DUS1L: variants seen among roughly 807,000 people sequenced by gnomAD.
DUS1L encodes dihydrouridine synthase 1 like.
A neutral mutation model predicts 61.2 loss-of-function variants in DUS1L; 56 were observed. The observed-to-expected ratio is 0.92, with a 90% CI of 0.74 to 1.14. DUS1L has a LOEUF of 1.14. Among genes scored for constraint, DUS1L ranks in the 50% most tolerant of loss-of-function variants. The pLI, the probability that DUS1L is intolerant of heterozygous loss-of-function variation, is 0.00. For missense variants in DUS1L, 630 were observed against 632.4 expected, an observed-to-expected ratio of 1.00 and a Z score of 0.04; for synonymous variants, 278 against 259.5, an observed-to-expected ratio of 1.07 and a Z score of -0.69.
Position 82,062,861 on chromosome 17 carries a change from CTGG to C in DUS1L, c.507_509del (p.Cys169_Gln170delinsTrp). On this transcript the variant is annotated inframe_deletion and splice_region_variant, in exon 5 of 14. Transcript: ENST00000306796. ...ACACCCCCGCGAGCCCAGGGCTCACCTGGCAGCCGGCCTTCTCCAGCATCTGGG... is the reference window on the plus strand; with the variant it reads ...ACACCCCCGCGAGCCCAGGGCTCACCCAGCCGGCCTTCTCCAGCATCTGGG... The C allele has an allele frequency of 6.2e-7, 1 of 1,612,486 alleles. No individual in the cohort carries two copies. Among genetic ancestry groups the C allele is most frequent in the South Asian group, 1.1e-5 (1 of 91,076 alleles).
chr17:82,062,401 G>A (rs566044980), intron 5 of DUS1L, among the ~76,000 whole-genome samples: 1 of 152,328 alleles, frequency 6.6e-6, no homozygotes, highest in African/African-American at 2.4e-5. Flanking sequence ...CACCAAGGTT[G>A]CTGTCCACCT....
At position 82,060,762 on chromosome 17, in the gene DUS1L, C is replaced by T. The variant is rs1472110052; in HGVS notation, c.961G>A (p.Gly321Arg). The change falls in exon 10 of 14, where the codon GGA (glycine) becomes AGA (arginine). Residue 321 changes from glycine (G) to arginine (R), a missense_variant. Gly to Arg is a moderately radical substitution (Grantham distance 125, BLOSUM62 -2). Coordinates refer to ENST00000306796, the MANE Select transcript of DUS1L (RefSeq NM_022156.5). ...GGCAAGTCGCCGGTGGGCTTCGCTC[C>T]CTCCTGCCTGGATATCTCCTCCTGC... ...RCQEEISRQE[G>R]AKPTGDLPFH... is the part of the protein sequence containing the mutation. 1.2e-6 allele frequency: 2 copies of T among 1,612,666 alleles called. No homozygotes were observed. Among genetic ancestry groups the T allele is most frequent in the Non-Finnish European group, 1.7e-6 (2 of 1,179,790 alleles).
rs547170654 is a variant in DUS1L, at chr17:82,064,884, T to G, written c.176A>C (p.Asn59Thr). Reference sequence around the variant, plus strand: ...GCAGTACAGGTTCTCCTTCCGGTAGTTGGCGTCGCGGACAAAGACCTGGGC... The same window carrying G: ...GCAGTACAGGTTCTCCTTCCGGTAGGTGGCGTCGCGGACAAAGACCTGGGC... ...LHAQVFVRDA[N>T]YRKENLYCEV... is the part of the protein sequence containing the mutation. The change falls in exon 2 of 14, where the codon AAC (asparagine) becomes ACC (threonine). Residue 59 changes from asparagine (N) to threonine (T), a missense_variant. Asn to Thr is a moderately conservative substitution (Grantham distance 65, BLOSUM62 0). Coordinates refer to ENST00000306796, the MANE Select transcript of DUS1L (RefSeq NM_022156.5). 3.1e-6 allele frequency: 5 copies of G among 1,612,572 alleles called. No homozygotes were observed. In the Admixed American group the frequency reaches 6.7e-5, roughly 21 times the overall value.
At chr17:82,064,753 A>G in intron 2 of DUS1L, 70 bp downstream of exon 2, 2 of 1,428,268 alleles carry the variant, frequency 1.4e-6, no homozygotes, top group Non-Finnish European at 1.9e-6. Flanking sequence ...CACAGAGAGA[A>G]GGGTTTTTCC....
At position 82,059,965 on chromosome 17, in the gene DUS1L, A is replaced by G. The variant is rs1372168943; in HGVS notation, c.1151T>C (p.Phe384Ser). ...GCACTTACGCTTCAGAGAGGGGTCG[A>G]AGGTCTTGTGGGGGTTCCTCAGCTG... ...KKQLRNPHKT[F>S]DPSLKPKYAK... Residue 384 changes from phenylalanine (F) to serine (S), a missense_variant, in exon 11 of 14, where the codon TTC becomes TCC. By Grantham distance (155) the Phe-to-Ser change is radical (BLOSUM62 -2). Coordinates refer to ENST00000306796, the MANE Select transcript of DUS1L (RefSeq NM_022156.5). The G allele has an allele frequency of 6.2e-7, 1 of 1,613,958 alleles. No individual in the cohort carries two copies. The highest frequency in any genetic ancestry group is 8.5e-7 in the Non-Finnish European group (1 of 1,179,978).
intron 8 of DUS1L, 86 bp downstream of exon 8, chr17:82,061,123 A>G: frequency 1.3e-6 from 2 of 1,554,392 alleles, no homozygotes; most frequent in Admixed American, 3.7e-5. Context: ...TGTTTTGACA[A>G]AACCTGCAAA....
At chr17:82,064,779 C>CG (rs756090448) in intron 2 of DUS1L, 44 bp downstream of exon 2, 52 of 1,482,776 alleles carry the variant, frequency 3.5e-5, no homozygotes, top group Middle Eastern at 2.3e-4. Flanking sequence ...CATTCCAGGA[C>CG]CGGGAACCCA....
rs370491758 is a variant in DUS1L, at chr17:82,060,066, T to C, written c.1050A>G (p.Ala350=). The C allele has an allele frequency of 6.2e-6, 10 of 1,613,080 alleles. No homozygotes were observed. Among genetic ancestry groups the C allele is most frequent in the African/African-American group, 1.3e-5 (1 of 74,616 alleles). ...CCAGGGCCCGCTTGCTGCGCGCACCTGCCTTCTCCTTGCTCCCCTCCCTGG... is the reference window on the plus strand; with the variant it reads ...CCAGGGCCCGCTTGCTGCGCGCACCCGCCTTCTCCTTGCTCCCCTCCCTGG... The part of the protein sequence containing the change: ...PGPREGSKEK[A]GARSKRALEE... Residue 350 remains alanine (A), a synonymous_variant, in exon 11 of 14, where the codon GCA becomes GCG. Transcript: ENST00000306796.
At chr17:82,060,115 G>T in intron 10 of DUS1L, 22 bp from the exon 11 acceptor site, 1 of 1,608,082 alleles carries the variant, frequency 6.2e-7, no homozygotes, top group Non-Finnish European at 8.5e-7. Flanking sequence ...GCAGCGGGCA[G>T]AGCCCAAGGA....
Position 82,061,653 on chromosome 17 carries a change from A to G in DUS1L, c.662T>C (p.Leu221Pro). The change falls in exon 7 of 14, where the codon CTC (leucine) becomes CCC (proline). Residue 221 changes from leucine to proline, a missense_variant. By Grantham distance (98) the Leu-to-Pro change is moderately conservative. Transcript: ENST00000306796. ...GACGCCCTGCACACCCGTGTCCCGGAGGCAGCGCTCCACGTCCTGCAGGCA... is the reference window on the plus strand; with the variant it reads ...GACGCCCTGCACACCCGTGTCCCGGGGGCAGCGCTCCACGTCCTGCAGGCA... The part of the protein sequence containing the change: ...IQCLQDVERC[L>P]RDTGVQGVMS... 2 of 1,612,856 alleles carry G rather than the reference A, an allele frequency of 1.2e-6. No homozygotes were observed. Among genetic ancestry groups the G allele is most frequent in the Non-Finnish European group, 1.7e-6 (2 of 1,179,916 alleles).
At chr17:82,059,893 A>G in intron 11 of DUS1L, 55 bp downstream of exon 11, 2 of 1,605,256 alleles carry the variant, frequency 1.2e-6, no homozygotes, top group South Asian at 2.2e-5. Context: ...GGCAACAGGG[A>G]GGATGGGGGT....
rs575592889 is a variant in DUS1L, at chr17:82,061,527, G to A, written c.697+91C>T. 3.4e-6 allele frequency: 5 copies of A among 1,451,526 alleles called. No homozygotes were observed. The East Asian group carries it at 9.4e-5, about 27-fold the overall frequency. The allele number at this position is 1,451,526 out of a possible 1,614,324, so 89.9% of individuals were successfully genotyped here. On this transcript the variant is annotated intron_variant, in intron 7 of 13. Coordinates refer to ENST00000306796, the MANE Select transcript of DUS1L (RefSeq NM_022156.5). ...ACACCATCTGTGAACAGCACCATGG[G>A]GAGGGCAGTAGGCAGTGGGAGGCAC...
intron 2 of DUS1L, among the ~76,000 whole-genome samples, chr17:82,064,555 C>T (rs2033674189): frequency 6.6e-6 from 1 of 152,196 alleles, no homozygotes. Flanking sequence ...CTGCAAACCT[C>T]ACAGCACCCA....
At position 82,058,424 on chromosome 17, in the gene DUS1L, C is replaced by T. The variant is rs899380876; in HGVS notation, c.1207-8G>A. The T allele has an allele frequency of 6.7e-7, 1 of 1,482,608 alleles. No homozygotes were observed. The highest frequency in any genetic ancestry group is 9.0e-7 in the Non-Finnish European group (1 of 1,115,320). 91.8% of individuals were successfully genotyped at this position (1,482,608 alleles called of 1,614,324 possible). ...GAACACACATCTGTTGCCCTGGGCA[C>T]AGGAAATCTCGGGAGCCTGTGGCCA... On this transcript the variant is annotated splice_polypyrimidine_tract_variant and splice_region_variant and intron_variant, in intron 12 of 13. Coordinates refer to ENST00000306796, the MANE Select transcript of DUS1L (RefSeq NM_022156.5).
At position 82,058,414 on chromosome 17, in the gene DUS1L, G is replaced by T; in HGVS notation, c.1209C>A (p.Gly403=). Residue 403 remains glycine, a splice_region_variant and synonymous_variant, in exon 13 of 14, where the codon GGC becomes GGA. Coordinates refer to ENST00000306796, the MANE Select transcript of DUS1L (RefSeq NM_022156.5). ...GGCACAGGCTGAACACACATCTGTT[G>T]CCCTGGGCACAGGAAATCTCGGGAG... The part of the protein sequence containing the change: ...AKCDQCGNPK[G]NRCVFSLCRG... 1 of 1,488,174 alleles carries T rather than the reference G, an allele frequency of 6.7e-7. No homozygotes were observed. The allele number at this position is 1,488,174 out of a possible 1,614,324, so 92.2% of individuals were successfully genotyped here.
At position 82,058,350 on chromosome 17, in the gene DUS1L, C is replaced by T; in HGVS notation, c.1273G>A (p.Asp425Asn). ...CKKRASKETA[D>N]CPGHGLLFKT... ...TGGTAGGCGCCCTCACCTGGGCAGT[C>T]TGCAGTCTCTTTGGAGGCTCGCTTC... The change falls in exon 13 of 14, where the codon GAC (aspartate) becomes AAC (asparagine). Residue 425 changes from aspartate to asparagine, a missense_variant. Coordinates refer to ENST00000306796, the MANE Select transcript of DUS1L (RefSeq NM_022156.5). 6.7e-7 allele frequency: 1 copy of T among 1,501,262 alleles called. No individual in the cohort carries two copies. The highest frequency in any genetic ancestry group is 1.4e-5 in the African/African-American group (1 of 71,390). 93.0% of individuals were successfully genotyped at this position (1,501,262 alleles called of 1,614,324 possible).
chr17:82,060,329 GGGAGGGCTGTGGCCAC>G, intron 10 of DUS1L: 1 of 615,634 alleles, frequency 1.6e-6, no homozygotes, highest in Non-Finnish European at 2.8e-6. Context: ...ACCAGCTCCA[GGGAGGGCTGTGGCCAC>G]GGATGGCCTC....
chr17:82,061,913 A>G lies in DUS1L; in HGVS notation c.581T>C (p.Ile194Thr). The G allele has an allele frequency of 6.2e-7, 1 of 1,610,202 alleles. No individual in the cohort carries two copies. Among genetic ancestry groups the G allele is most frequent in the Non-Finnish European group, 8.5e-7 (1 of 1,178,412 alleles). Residue 194 changes from isoleucine to threonine, a missense_variant, in exon 6 of 14, where the codon ATC (isoleucine) becomes ACC (threonine). Ile to Thr is a moderately conservative substitution (Grantham distance 89). Coordinates refer to ENST00000306796, the MANE Select transcript of DUS1L (RefSeq NM_022156.5). ...CACACCCACTCACCGCACAGCCTTG[A>G]TATGCTCCCAGGACGCTGCACCCGA... is the stretch of plus-strand genomic sequence containing the variant. ...PLSGAASWEH[I>T]KAVRKAVAIP...
intron 3 of DUS1L, 86 bp from the exon 4 acceptor site, chr17:82,063,604 C>T (rs2033618782): frequency 6.4e-7 from 1 of 1,566,846 alleles, no homozygotes; most frequent in Non-Finnish European, 8.7e-7. Flanking sequence ...CCCTTTCCTG[C>T]ATCCACGCAG....
Sources: allele counts gnomAD v4.1 joint callset (sites outside exome capture counted in the v4.1 genomes callset), GRCh38; gene constraint gnomAD v4.1.1; transcripts MANE v1.5; gene names NCBI Gene and HGNC (gene_info 2026-07-23, HGNC 2026-07-21).